Variants in SGCZ observed in about 807,000 individuals in gnomAD.
SGCZ encodes the protein zeta-sarcoglycan.
SGCZ carries 40 observed loss-of-function variants against 41.3 expected under a neutral mutation model. The observed-to-expected ratio is 0.97, with a 90% CI of 0.75 to 1.26. The LOEUF is 1.26. SGCZ is among the 50% of genes most tolerant of loss of function. SGCZ has a pLI of 0.00. For missense variants in SGCZ, 552 were observed against 369.8 expected (o/e 1.49, Z -4.04); for synonymous variants, 206 against 137.5 (o/e 1.50, Z -3.49).
intron 1 of SGCZ, among the ~76,000 whole-genome samples, chr8:15,005,682 A>G (rs1243126193): frequency 6.6e-6 from 1 of 151,550 alleles, no homozygotes; most frequent in Non-Finnish European, 1.5e-5. Context: ...ATACAGCCCT[A>G]GAACGTGGCT....
chr8:14,163,170 T>C (rs1001250225), intron 5 of SGCZ, among the ~76,000 whole-genome samples: 3 of 152,170 alleles, frequency 2.0e-5, no homozygotes, highest in Non-Finnish European at 4.4e-5. Flanking sequence ...GCCAATACAC[T>C]TTTTTTAACT....
chr8:14,733,705 G>A (rs912427423), intron 1 of SGCZ, among the ~76,000 whole-genome samples: 1 of 152,140 alleles, frequency 6.6e-6, no homozygotes, highest in African/African-American at 2.4e-5. Flanking sequence ...ATGCAGCTAT[G>A]CTAACATGAG....
chr8:14,371,989 T>C (rs1585417999), intron 2 of SGCZ, among the ~76,000 whole-genome samples: 1 of 152,090 alleles, frequency 6.6e-6, no homozygotes. Context: ...AAAAGCTAAA[T>C]TTATAGAGTA....
chr8:14,204,276 G>A (rs558533563), intron 4 of SGCZ, among the ~76,000 whole-genome samples: 27 of 91,910 alleles, frequency 2.9e-4, no homozygotes, highest in African/African-American at 1.3e-3. Flanking sequence ...ACTTCACTCT[G>A]AATGTTTTTT....
chr8:15,065,616 T>C (rs1181353932), intron 1 of SGCZ, among the ~76,000 whole-genome samples: 2 of 151,894 alleles, frequency 1.3e-5, no homozygotes, highest in South Asian at 2.1e-4. Context: ...TTTTTGTATT[T>C]TCGGTAGAGA....
intron 1 of SGCZ, among the ~76,000 whole-genome samples, chr8:15,101,350 A>C (rs1028567843): frequency 3.9e-5 from 6 of 152,224 alleles, no homozygotes; most frequent in African/African-American, 1.4e-4. Flanking sequence ...CTGATAAAAG[A>C]CTTCAATATA....
At chr8:14,928,967 T>A (rs2130802808) in intron 1 of SGCZ, among the ~76,000 whole-genome samples, 1 of 152,270 alleles carries the variant, frequency 6.6e-6, no homozygotes, top group Admixed American at 6.5e-5. Context: ...TGACTGCATT[T>A]TTAAATTATT....
At chr8:14,829,362 T>C (rs1304029531) in intron 1 of SGCZ, among the ~76,000 whole-genome samples, 1 of 152,226 alleles carries the variant, frequency 6.6e-6, no homozygotes, top group Non-Finnish European at 1.5e-5. Flanking sequence ...AAATGGCTGG[T>C]ATCATCCCTT....
chr8:14,329,181 T>G (rs9650353), intron 2 of SGCZ, among the ~76,000 whole-genome samples: 30,537 of 152,216 alleles, frequency 0.2, 3,791 homozygotes, highest in Non-Finnish European at 0.29. Flanking sequence ...TAGAAGGGGA[T>G]ATGAAATCAG....
At chr8:15,167,659 C>G (rs538275028) in intron 1 of SGCZ, among the ~76,000 whole-genome samples, 1 of 119,200 alleles carries the variant, frequency 8.4e-6, no homozygotes, top group East Asian at 2.3e-4. Flanking sequence ...CCACTCAGTC[C>G]TTTTTATAAT....
intron 1 of SGCZ, among the ~76,000 whole-genome samples, chr8:14,816,867 A>C (rs190857163): frequency 7.5e-4 from 114 of 152,340 alleles, no homozygotes; most frequent in African/African-American, 2.7e-3. Context: ...AGGCAAAGAG[A>C]ATATGTTATA....
Position 14,876,876 on chromosome 8 carries a change from C to A in SGCZ, c.40-321950G>T, listed in dbSNP as rs116667920. ...CCACCTCTCTGTTTAGAGGTCCCCC[C>A]GCCCTGCAATGGAGTGTGGACTAAG... On this transcript the variant is annotated intron_variant, in intron 1 of 7. Coordinates refer to ENST00000382080, the MANE Select transcript of SGCZ (RefSeq NM_139167.4). Among the ~76,000 whole-genome samples the A allele has an allele frequency of 8.6e-3, 1,303 of 152,258 alleles. 11 individuals are homozygous for A. The highest frequency in any genetic ancestry group is 0.029 in the African/African-American group (1,220 of 41,546).
chr8:15,134,561 C>T (rs901595688), intron 1 of SGCZ, among the ~76,000 whole-genome samples: 2 of 152,084 alleles, frequency 1.3e-5, no homozygotes, highest in South Asian at 2.1e-4. Context: ...TCACTTTAAG[C>T]GCAGAAATAA....
intron 6 of SGCZ, among the ~76,000 whole-genome samples, chr8:14,103,765 G>C (rs777178016): frequency 6.6e-5 from 10 of 151,918 alleles, no homozygotes; most frequent in Non-Finnish European, 1.3e-4. Flanking sequence ...CTATTTTTAA[G>C]AAACGTCTGT....
chr8:14,115,839 T>G (rs1802506884), intron 5 of SGCZ, among the ~76,000 whole-genome samples: 1 of 151,974 alleles, frequency 6.6e-6, no homozygotes, highest in Admixed American at 6.6e-5. Flanking sequence ...ATCCTATCTT[T>G]TTTCCTTATT....
intron 1 of SGCZ, among the ~76,000 whole-genome samples, chr8:14,992,877 C>G (rs1018974155): frequency 2.1e-5 from 3 of 144,924 alleles, no homozygotes; most frequent in Non-Finnish European, 4.5e-5. Context: ...TCAATATTTA[C>G]CTCTCGCCCA....
At chr8:14,456,897 C>G (rs1238299563) in intron 2 of SGCZ, among the ~76,000 whole-genome samples, 1 of 151,988 alleles carries the variant, frequency 6.6e-6, no homozygotes, top group Non-Finnish European at 1.5e-5. Context: ...CCCCTCCAAC[C>G]ACACTCTCTC....
chr8:14,845,288 T>A (rs1228878627), intron 1 of SGCZ, among the ~76,000 whole-genome samples: 1 of 152,164 alleles, frequency 6.6e-6, no homozygotes, highest in African/African-American at 2.4e-5. Flanking sequence ...ATTCCTACAC[T>A]GAGTACTGCT....
At chr8:14,640,380 A>G (rs1274891993) in intron 1 of SGCZ, among the ~76,000 whole-genome samples, 1 of 151,584 alleles carries the variant, frequency 6.6e-6, no homozygotes, top group African/African-American at 2.4e-5. Flanking sequence ...TCTAGTTCCC[A>G]TTCCCATTAT....
Sources: allele counts gnomAD v4.1 joint callset (sites outside exome capture counted in the v4.1 genomes callset), GRCh38; gene constraint gnomAD v4.1.1; transcripts MANE v1.5; gene names NCBI Gene and HGNC (gene_info 2026-07-23, HGNC 2026-07-21).